The following TMCO1 variants were observed in gnomAD, a reference collection of about 807,000 sequenced individuals.
The protein encoded by TMCO1 is calcium load-activated calcium channel.
In TMCO1, 29 loss-of-function variants were observed where a neutral mutation model predicts 29.3. The ratio of observed to expected loss-of-function variants is 0.99; its 90% CI spans 0.74 to 1.35. The LOEUF is 1.35. TMCO1 is among the 40% of genes most tolerant of loss of function. TMCO1 has a pLI of 0.00. For synonymous variants in TMCO1, 80 were observed against 77.1 expected, an observed-to-expected ratio of 1.04 and a Z score of -0.20; for missense variants, 173 against 225.5, an observed-to-expected ratio of 0.77 and a Z score of 1.49.
At chr1:165,726,667 TATCCATATATTC>T (rs1469888709), downstream of TMCO1, 6 of 454,332 alleles carry the variant, frequency 1.3e-5, no homozygotes, top group Admixed American at 2.3e-5. Flanking sequence ...CACTCAAATT[TATCCATATATTC>T]ATCCATATAT....
chr1:165,768,727 G>A lies in TMCO1; in HGVS notation c.25C>T (p.Leu9Phe), dbSNP rs745557634. 1 of 1,614,146 alleles carries A rather than the reference G, an allele frequency of 6.2e-7. No homozygotes were observed. The change falls in exon 1 of 7, where the codon CTC (leucine) becomes TTC (phenylalanine). Residue 9 changes from leucine to phenylalanine, a missense_variant. Coordinates refer to ENST00000367881, the MANE Select transcript of TMCO1 (RefSeq NM_019026.6). ...CACACAGAGATAAAAACGATGAGGA[G>A]AGTGTCCGCGAACATAGTGCTCATC... Reference protein sequence around the residue: MSTMFADTLLIVFISVCTA... With the variant: MSTMFADTFLIVFISVCTA...
At chr1:165,749,759 C>T (rs989881036) in intron 5 of TMCO1, among the ~76,000 whole-genome samples, 7 of 151,964 alleles carry the variant, frequency 4.6e-5, no homozygotes, top group African/African-American at 1.7e-4. Flanking sequence ...AAAAGAGTAA[C>T]AGCTTTAACA....
chr1:165,733,697 A>C (rs1035393044), intron 6 of TMCO1, among the ~76,000 whole-genome samples: 1 of 152,250 alleles, frequency 6.6e-6, no homozygotes, highest in Admixed American at 6.5e-5. Flanking sequence ...TGCAAAATAT[A>C]GTAAGATGCA....
chr1:165,755,397 G>C (rs779272058), intron 3 of TMCO1, among the ~76,000 whole-genome samples: 1 of 152,090 alleles, frequency 6.6e-6, no homozygotes, highest in Admixed American at 6.6e-5. Context: ...ATGAAGAAAA[G>C]AGGCCATGTG....
At chr1:165,760,236 GC>G (rs1207242855) in intron 2 of TMCO1, among the ~76,000 whole-genome samples, 3 of 151,892 alleles carry the variant, frequency 2.0e-5, no homozygotes, top group Non-Finnish European at 4.4e-5. Context: ...GACCAGCCTG[GC>G]CAACATATAG....
At chr1:165,726,234 A>G (rs1300251948), downstream of TMCO1, 1 of 699,738 alleles carries the variant, frequency 1.4e-6, no homozygotes, top group South Asian at 1.5e-5. Context: ...AGTCATTACC[A>G]TCCATTATCA....
chr1:165,738,131 A>G (rs1171337769), intron 6 of TMCO1, among the ~76,000 whole-genome samples: 1 of 152,166 alleles, frequency 6.6e-6, no homozygotes, highest in Non-Finnish European at 1.5e-5. Context: ...TGTCTCTACT[A>G]AAAATACAAA....
chr1:165,757,786 C>T lies in TMCO1; in HGVS notation c.208+1739G>A, dbSNP rs149391688. On this transcript the variant is annotated intron_variant, in intron 3 of 6. Transcript: ENST00000367881. ...GTGCTGGGATTACAAGCGTGAGCCA[C>T]CATGCCTGGCAATAAATATTATTTC... is the stretch of plus-strand genomic sequence containing the variant. Among the ~76,000 whole-genome samples, 524 of 152,330 alleles carry T rather than the reference C, an allele frequency of 3.4e-3. 5 individuals carry two copies. The highest frequency in any genetic ancestry group is 0.012 in the African/African-American group (495 of 41,572).
chr1:165,727,997 T>C lies in TMCO1; in HGVS notation c.*26A>G, dbSNP rs1650973310. On this transcript the variant is annotated 3_prime_UTR_variant, in exon 7 of 7. Coordinates refer to ENST00000367881, the MANE Select transcript of TMCO1 (RefSeq NM_019026.6). ...CTGATGTGTGTGTGTCTAGAAAGAA[T>C]GATAGAAAATAAAGAGTTCTTGAGT... 1.3e-6 allele frequency: 2 copies of C among 1,548,470 alleles called. No individual in the cohort carries two copies. The highest frequency in any genetic ancestry group is 1.4e-5 in the African/African-American group (1 of 73,350).
At chr1:165,735,516 T>G (rs1651338280) in intron 6 of TMCO1, among the ~76,000 whole-genome samples, 1 of 150,036 alleles carries the variant, frequency 6.7e-6, no homozygotes, top group Admixed American at 6.6e-5. Context: ...GCTTAATTTT[T>G]TTTTTTTTTT....
In TMCO1 at chr1:165,727,642, AAACT is replaced by A. The variant is rs995474539; in HGVS notation, c.*377_*380del. 5.3e-5 allele frequency: 24 copies of A among 454,186 alleles called. No homozygotes were observed. The highest frequency in any genetic ancestry group is 4.2e-4 in the Admixed American group (18 of 42,570). 28.1% of individuals were successfully genotyped at this position (454,186 alleles called of 1,614,324 possible). A position where few individuals can be genotyped will look rare whatever the true frequency, so the allele number is the denominator to read the frequency against. On this transcript the variant is annotated 3_prime_UTR_variant, in exon 7 of 7. Coordinates refer to ENST00000367881, the MANE Select transcript of TMCO1 (RefSeq NM_019026.6). ...AAACAAACAGTTACAAGGGTTAAAC[AAACT>A]AAATTTTTCTTCTAAATCTCTAAAT...
chr1:165,754,652 T>C (rs1024175317), intron 3 of TMCO1, among the ~76,000 whole-genome samples: 1 of 152,202 alleles, frequency 6.6e-6, no homozygotes, highest in African/African-American at 2.4e-5. Context: ...AAATTTTCTA[T>C]TTTTTCAATT....
downstream of TMCO1, chr1:165,725,526 C>T: frequency 2.2e-6 from 1 of 454,082 alleles, no homozygotes; most frequent in Non-Finnish European, 4.4e-6. Flanking sequence ...CCTGAGTAGA[C>T]TAATGCAGAT....
intron 6 of TMCO1, among the ~76,000 whole-genome samples, chr1:165,736,865 G>A (rs945046057): frequency 6.6e-6 from 1 of 152,140 alleles, no homozygotes; most frequent in African/African-American, 2.4e-5. Context: ...GCAAAGGCGC[G>A]ATCACAGCTT....
rs1199196337 is a variant in TMCO1 at position 165,738,841 on chromosome 1, C to A, written c.468+4326G>T. ...GCTGCAATAAGTAGTTAGAATTCAGCTGGGATCTTGGGGAAGACAACTATA... is the reference window on the plus strand; with the variant it reads ...GCTGCAATAAGTAGTTAGAATTCAGATGGGATCTTGGGGAAGACAACTATA... On this transcript the variant is annotated intron_variant, in intron 6 of 6. Coordinates refer to ENST00000367881, the MANE Select transcript of TMCO1 (RefSeq NM_019026.6). Among the ~76,000 whole-genome samples the A allele has an allele frequency of 1.8e-4, 28 of 152,210 alleles. 1 individual carries two copies. The highest frequency in any genetic ancestry group is 1.5e-5 in the Non-Finnish European group (1 of 68,032).
At chr1:165,754,407 G>A (rs1163533367) in intron 3 of TMCO1, 133 bp from the exon 4 acceptor site, 3 of 703,358 alleles carry the variant, frequency 4.3e-6, no homozygotes, top group African/African-American at 3.5e-5. Flanking sequence ...GAAAACACCT[G>A]GGATAGTATA....
intron 3 of TMCO1, among the ~76,000 whole-genome samples, chr1:165,754,633 CCTT>C (rs1393745953): frequency 1.3e-5 from 2 of 151,992 alleles, no homozygotes; most frequent in African/African-American, 4.8e-5. Flanking sequence ...AATTAGTTAT[CCTT>C]CTCTTAAATT....
At chr1:165,735,665 C>G (rs1249335980) in intron 6 of TMCO1, among the ~76,000 whole-genome samples, 1 of 152,112 alleles carries the variant, frequency 6.6e-6, no homozygotes, top group East Asian at 1.9e-4. Context: ...CAGACATGCA[C>G]CACCATGCCT....
chr1:165,740,946 G>C (rs939339574), intron 6 of TMCO1, among the ~76,000 whole-genome samples: 1 of 152,156 alleles, frequency 6.6e-6, no homozygotes, highest in Non-Finnish European at 1.5e-5. Flanking sequence ...CCAGGCTGTG[G>C]TATACTGTTA....
Sources: gnomAD v4.1 joint callset for allele counts (sites outside exome capture counted in the v4.1 genomes callset) on GRCh38, gnomAD v4.1.1 for gene constraint, MANE v1.5 for transcripts, NCBI Gene and HGNC (gene_info 2026-07-23, HGNC 2026-07-21) for gene names.